CREBBP: variants seen among roughly 807,000 people sequenced by gnomAD.
CREBBP encodes the protein CREB-binding protein.
Under a neutral mutation model 265.0 loss-of-function variants are expected in CREBBP, and 19 were observed. The ratio of observed to expected loss-of-function variants is 0.07; its 90% CI spans 0.05 to 0.11. The LOEUF (loss-of-function observed/expected upper bound fraction) is 0.11, where lower values mean the gene tolerates loss of function less well. Among genes scored for constraint, CREBBP ranks in the 10% least tolerant of loss-of-function variants. CREBBP has a pLI of 1.00. For missense variants in CREBBP, 2,525 were observed against 3,219.0 expected, an observed-to-expected ratio of 0.78 and a Z score of 5.22; for synonymous variants, 1,457 against 1,223.7, an observed-to-expected ratio of 1.19 and a Z score of -3.98.
intron 11 of CREBBP, among the ~76,000 whole-genome samples, chr16:3,775,492 G>C (rs193186454): frequency 6.6e-6 from 1 of 152,168 alleles, no homozygotes; most frequent in South Asian, 2.1e-4. Context: ...AGAATTTCTG[G>C]AAGGTGCTGC....
rs536144514 is a variant in CREBBP at position 3,767,723 on chromosome 16, T to G, written c.3247A>C (p.Lys1083Gln). Residue 1083 changes from lysine (K) to glutamine (Q), a missense_variant, in exon 16 of 31, where the codon AAA becomes CAA. Transcript: ENST00000262367. The stretch of plus-strand genomic sequence containing the variant: ...AGGTAATGAATAAATGGCCTACTTT[T>G]TTTGCGCGGCTGCGAAGGAGATGTT... ...QSTSPSQPRK[K>Q]IFKPEELRQA... is the part of the protein sequence containing the mutation. 1 of 1,614,282 alleles carries G rather than the reference T, an allele frequency of 6.2e-7. No homozygotes were observed. The highest frequency in any genetic ancestry group is 1.3e-5 in the African/African-American group (1 of 75,064).
chr16:3,761,977 T>G (rs774456228), intron 16 of CREBBP, among the ~76,000 whole-genome samples: 1 of 152,200 alleles, frequency 6.6e-6, no homozygotes, highest in Admixed American at 6.5e-5. Flanking sequence ...GAGCTAACAA[T>G]GGATTTCACA....
intron 6 of CREBBP, 136 bp downstream of exon 6, chr16:3,782,548 T>C: frequency 8.3e-7 from 1 of 1,197,738 alleles, no homozygotes; most frequent in Non-Finnish European, 1.2e-6. Context: ...CTTCAGCTTT[T>C]TCCTGGGAGA....
At chr16:3,838,317 G>A (rs1436093125) in intron 2 of CREBBP, among the ~76,000 whole-genome samples, 2 of 152,138 alleles carry the variant, frequency 1.3e-5, no homozygotes, top group Non-Finnish European at 2.9e-5. Flanking sequence ...TATAGCCTAG[G>A]TGTGTAACAG....
chr16:3,732,901 T>C (rs1163852110), intron 28 of CREBBP, among the ~76,000 whole-genome samples: 2 of 152,058 alleles, frequency 1.3e-5, no homozygotes, highest in East Asian at 2.0e-4. Flanking sequence ...GGTTTCACCA[T>C]GTTGGTCAGG....
At chr16:3,736,302 G>T (rs2052057561) in intron 27 of CREBBP, 99 bp from the exon 28 acceptor site, 2 of 1,277,698 alleles carry the variant, frequency 1.6e-6, no homozygotes, top group Non-Finnish European at 2.3e-6. Flanking sequence ...TCACCATGGT[G>T]TGGCAGAGTC....
rs1365656865 is a variant in CREBBP at position 3,732,947 on chromosome 16, G to A, written c.4729-1010C>T. 2.6e-5 allele frequency among the ~76,000 whole-genome samples: 4 copies of A among 152,098 alleles called. No individual in the cohort carries two copies. The South Asian group carries it at 6.2e-4, about 24-fold the overall frequency. On this transcript the variant is annotated intron_variant, in intron 28 of 30. Coordinates refer to ENST00000262367, the MANE Select transcript of CREBBP (RefSeq NM_004380.3). ...ACTCCGGACCTCGGGTGATCCGCCC[G>A]CCTGAGCCTCCCAAAGTGCTGAGAT...
At position 3,775,813 on chromosome 16, in the gene CREBBP, C is replaced by A. The variant is rs148016256; in HGVS notation, c.2159-1120G>T. Among the ~76,000 whole-genome samples the A allele has an allele frequency of 9.3e-3, 1,415 of 152,226 alleles. 14 individuals are homozygous for A. Among genetic ancestry groups the A allele is most frequent in the African/African-American group, 0.032 (1,309 of 41,522 alleles). On this transcript the variant is annotated intron_variant, in intron 11 of 30. Coordinates refer to ENST00000262367, the MANE Select transcript of CREBBP (RefSeq NM_004380.3). The stretch of plus-strand genomic sequence containing the variant: ...CTGGTAAACAGCAGGGGCATCATAC[C>A]CCACACCAGCAGCATCTTCCTATCC...
rs931868195 is a variant in CREBBP, at chr16:3,726,061, G to A, written c.*1657C>T. ...GCTAAGTGCAAGTATCCCCCGAAGT[G>A]GGGGACCTTTCTCACTGTAACAGGG... On this transcript the variant is annotated 3_prime_UTR_variant, in exon 31 of 31. Coordinates refer to ENST00000262367, the MANE Select transcript of CREBBP (RefSeq NM_004380.3). 4.3e-6 allele frequency: 1 copy of A among 233,166 alleles called. No individual in the cohort carries two copies. The highest frequency in any genetic ancestry group is 2.2e-5 in the African/African-American group (1 of 45,354). The allele number at this position is 233,166 out of a possible 1,614,324, so 14.4% of individuals were successfully genotyped here.
At chr16:3,820,761 G>A (rs1398403635) in intron 2 of CREBBP, among the ~76,000 whole-genome samples, 2 of 152,146 alleles carry the variant, frequency 1.3e-5, no homozygotes, top group African/African-American at 4.8e-5. Context: ...TTCGGAGGCT[G>A]AGGTGGGAGG....
intron 2 of CREBBP, among the ~76,000 whole-genome samples, chr16:3,840,147 T>C (rs1056047551): frequency 1.1e-4 from 17 of 152,334 alleles, no homozygotes; most frequent in Admixed American, 6.5e-4. Flanking sequence ...CAAATTAAGA[T>C]ATGCTTAATA....
chr16:3,789,748 A>C (rs1184011428), intron 5 of CREBBP, among the ~76,000 whole-genome samples: 2 of 152,010 alleles, frequency 1.3e-5, no homozygotes, highest in African/African-American at 4.8e-5. Context: ...AGTTAATCTA[A>C]ATCTTCCTTG....
intron 15 of CREBBP, among the ~76,000 whole-genome samples, chr16:3,768,486 T>G (rs1290626264): frequency 2.0e-5 from 3 of 152,164 alleles, no homozygotes; most frequent in Non-Finnish European, 4.4e-5. Context: ...CTTTAAAAAT[T>G]GCACATACTC....
intron 2 of CREBBP, among the ~76,000 whole-genome samples, chr16:3,840,193 T>C (rs996708093): frequency 6.6e-6 from 1 of 152,248 alleles, no homozygotes; most frequent in Non-Finnish European, 1.5e-5. Flanking sequence ...AAGAATCAGA[T>C]GACTTCACGT....
rs1415196475 is a variant in CREBBP at position 3,726,153 on chromosome 16, C to T, written c.*1565G>A. ...CTCAAACGCCACACGGGACATGCTG[C>T]GCGGCAGCGGCAGGATTTGGGGGGA... is the stretch of plus-strand genomic sequence containing the variant. On this transcript the variant is annotated 3_prime_UTR_variant, in exon 31 of 31. Transcript: ENST00000262367. The T allele has an allele frequency of 3.9e-5, 9 of 232,024 alleles. No individual in the cohort carries two copies. Among genetic ancestry groups the T allele is most frequent in the Non-Finnish European group, 6.8e-5 (8 of 117,694 alleles). The allele number at this position is 232,024 out of a possible 1,614,324, so 14.4% of individuals were successfully genotyped here.
At chr16:3,760,866 G>A (rs936660207) in intron 16 of CREBBP, among the ~76,000 whole-genome samples, 4 of 152,044 alleles carry the variant, frequency 2.6e-5, no homozygotes, top group Non-Finnish European at 4.4e-5. Flanking sequence ...TTGAACTCTC[G>A]GCCTCAAGTG....
At chr16:3,848,166 T>A (rs1352073980) in intron 2 of CREBBP, among the ~76,000 whole-genome samples, 1 of 146,240 alleles carries the variant, frequency 6.8e-6, no homozygotes, top group Non-Finnish European at 1.5e-5. Flanking sequence ...TGAAACTCCA[T>A]CTCAGAAAAA....
intron 2 of CREBBP, among the ~76,000 whole-genome samples, chr16:3,832,790 A>G (rs1002450412): frequency 6.6e-6 from 1 of 152,188 alleles, no homozygotes; most frequent in Admixed American, 6.5e-5. Flanking sequence ...AATAAATCTG[A>G]TCCAGTAACA....
rs71133657 is a variant in CREBBP at position 3,802,114 on chromosome 16, A to ATTTTTTTTTTTTTTT, written c.975+8474_975+8488dup. 2.8e-4 allele frequency among the ~76,000 whole-genome samples: 14 copies of ATTTTTTTTTTTTTTT among 50,580 alleles called. 3 individuals are homozygous for ATTTTTTTTTTTTTTT. The highest frequency in any genetic ancestry group is 1.2e-3 in the South Asian group (1 of 868). The allele number at this position is 50,580 out of a possible 152,430, so 33.2% of individuals were successfully genotyped here. Reference sequence around the variant, plus strand: ...TTTATATTTACTCTGGTATTCCTTAATTTTTTTTTTTTTTTTTTTTTTTTT... The same window carrying ATTTTTTTTTTTTTTT: ...TTTATATTTACTCTGGTATTCCTTAATTTTTTTTTTTTTTTTTTTTTTTTTTTTTTTTTTTTTTTT... On this transcript the variant is annotated intron_variant, in intron 3 of 30. Transcript: ENST00000262367.
Sources: allele counts gnomAD v4.1 joint callset (sites outside exome capture counted in the v4.1 genomes callset), GRCh38; gene constraint gnomAD v4.1.1; transcripts MANE v1.5; gene names NCBI Gene and HGNC (gene_info 2026-07-23, HGNC 2026-07-21).